CSMD1: variants seen among roughly 807,000 people sequenced by gnomAD.
CSMD1 encodes CUB and Sushi multiple domains 1, also known as CUB and sushi domain-containing protein 1.
In CSMD1, 213 loss-of-function variants were observed where a neutral mutation model predicts 417.5. The ratio of observed to expected loss-of-function variants is 0.51; its 90% CI spans 0.46 to 0.57. CSMD1 has a LOEUF of 0.57. Ranked by LOEUF, CSMD1 falls within the 20% of genes least tolerant of loss-of-function variation. The pLI is 0.00. For synonymous variants in CSMD1, 2,862 were observed against 1,736.8 expected (o/e 1.65, Z -16.11); for missense variants, 6,923 against 4,529.7 (o/e 1.53, Z -15.17).
chr8:4,759,021 G>A (rs1418270442), intron 1 of CSMD1, among the ~76,000 whole-genome samples: 1 of 152,178 alleles, frequency 6.6e-6, no homozygotes, highest in Non-Finnish European at 1.5e-5. Context: ...GGTTCCCCAG[G>A]AAACAGATGC....
intron 1 of CSMD1, among the ~76,000 whole-genome samples, chr8:4,754,715 G>T (rs1007088453): frequency 6.6e-6 from 1 of 152,034 alleles, no homozygotes; most frequent in African/African-American, 2.4e-5. Flanking sequence ...CAAGCATGGT[G>T]GTGGGCGCCT....
chr8:3,966,220 T>A (rs78258642), intron 5 of CSMD1, among the ~76,000 whole-genome samples: 2 of 152,140 alleles, frequency 1.3e-5, no homozygotes, highest in Non-Finnish European at 2.9e-5. Context: ...TGCCAGCTTA[T>A]TGGCTAAATG....
intron 1 of CSMD1, among the ~76,000 whole-genome samples, chr8:4,854,784 T>C (rs1445624486): frequency 1.3e-5 from 2 of 152,110 alleles, no homozygotes; most frequent in South Asian, 2.1e-4. Flanking sequence ...GTCTCGCTGA[T>C]TGCTAGCACA....
intron 6 of CSMD1, among the ~76,000 whole-genome samples, chr8:3,734,124 T>C (rs1217411222): frequency 6.6e-6 from 1 of 152,202 alleles, no homozygotes; most frequent in Non-Finnish European, 1.5e-5. Flanking sequence ...TAATACTTAA[T>C]AAAGATATTT....
At chr8:4,015,601 T>C (rs951845195) in intron 4 of CSMD1, among the ~76,000 whole-genome samples, 1 of 145,512 alleles carries the variant, frequency 6.9e-6, no homozygotes, top group Non-Finnish European at 1.5e-5. Context: ...GCCCAATGAC[T>C]ATCATTCAGT....
chr8:4,562,313 G>C (rs1306018675), intron 2 of CSMD1, among the ~76,000 whole-genome samples: 1 of 152,164 alleles, frequency 6.6e-6, no homozygotes, highest in Non-Finnish European at 1.5e-5. Context: ...ACTCAGCAAG[G>C]TCAGTGGGAG....
rs565132038 is a variant in CSMD1, at chr8:4,947,485, G to C, written c.85+46847C>G. On this transcript the variant is annotated intron_variant, in intron 1 of 69. Transcript: ENST00000635120. ...CATCTGTCCAGATCATCAACAATGA[G>C]AAAATGAGAACCATGTGGTAATAAC... Among the ~76,000 whole-genome samples, 51 of 152,180 alleles carry C rather than the reference G, an allele frequency of 3.4e-4. No homozygotes were observed. The South Asian group carries it at 7.7e-3, about 23-fold the overall frequency.
At chr8:4,368,035 A>T (rs1380360611) in intron 3 of CSMD1, among the ~76,000 whole-genome samples, 1 of 152,064 alleles carries the variant, frequency 6.6e-6, no homozygotes, top group African/African-American at 2.4e-5. Context: ...TCTGGCTAGA[A>T]CTTCCAGTAC....
At chr8:3,200,895 G>C (rs1051679359) in intron 32 of CSMD1, among the ~76,000 whole-genome samples, 2 of 152,184 alleles carry the variant, frequency 1.3e-5, no homozygotes, top group Non-Finnish European at 2.9e-5. Context: ...ATTAGTAAAT[G>C]TACCCAGTAC....
intron 5 of CSMD1, among the ~76,000 whole-genome samples, chr8:3,963,315 C>G (rs933140291): frequency 6.6e-6 from 1 of 152,118 alleles, no homozygotes; most frequent in Non-Finnish European, 1.5e-5. Flanking sequence ...ATGGCTCTCA[C>G]CCAGATAAGC....
At chr8:3,807,263 A>T (rs1800796003) in intron 5 of CSMD1, among the ~76,000 whole-genome samples, 1 of 152,196 alleles carries the variant, frequency 6.6e-6, no homozygotes, top group Non-Finnish European at 1.5e-5. Context: ...TTCTTTGATC[A>T]ACAGAAACTT....
chr8:3,924,133 C>T (rs1399955007), intron 5 of CSMD1, among the ~76,000 whole-genome samples: 1 of 152,154 alleles, frequency 6.6e-6, no homozygotes, highest in Non-Finnish European at 1.5e-5. Flanking sequence ...TGTATCTCTC[C>T]ATTTATGAAG....
At chr8:3,737,376 T>C (rs542299710) in intron 6 of CSMD1, among the ~76,000 whole-genome samples, 17 of 152,238 alleles carry the variant, frequency 1.1e-4, no homozygotes, top group South Asian at 2.1e-4. Context: ...ACATTCTTCA[T>C]TGTGCAATCT....
At chr8:2,963,162 G>A in intron 60 of CSMD1, 60 bp downstream of exon 60, 1 of 1,570,054 alleles carries the variant, frequency 6.4e-7, no homozygotes, top group Non-Finnish European at 8.7e-7. Context: ...GATGTGCCCT[G>A]GTTATCCGTC....
intron 5 of CSMD1, among the ~76,000 whole-genome samples, chr8:3,882,047 T>C (rs2129121607): frequency 6.6e-6 from 1 of 151,964 alleles, no homozygotes; most frequent in Admixed American, 6.5e-5. Context: ...GTATTAACAA[T>C]AAAAGAAAAA....
At chr8:3,550,361 C>A (rs1278267151) in intron 10 of CSMD1, among the ~76,000 whole-genome samples, 2 of 152,166 alleles carry the variant, frequency 1.3e-5, no homozygotes, top group Middle Eastern at 3.2e-3. Context: ...GGGCCTTGAC[C>A]CCGCCTGGAC....
intron 2 of CSMD1, among the ~76,000 whole-genome samples, chr8:4,636,736 C>T (rs1433053017): frequency 6.6e-6 from 1 of 152,146 alleles, no homozygotes; most frequent in Non-Finnish European, 1.5e-5. Flanking sequence ...AAAGTATGCA[C>T]AATTTGCCAC....
At chr8:4,091,844 A>C (rs541143691) in intron 3 of CSMD1, among the ~76,000 whole-genome samples, 1 of 152,332 alleles carries the variant, frequency 6.6e-6, no homozygotes, top group East Asian at 1.9e-4. Flanking sequence ...TTAGCAATGG[A>C]GAAACAACAG....
At chr8:4,942,588 G>C (rs1028768239) in intron 1 of CSMD1, among the ~76,000 whole-genome samples, 76 of 152,184 alleles carry the variant, frequency 5.0e-4, no homozygotes, top group African/African-American at 1.8e-3. Flanking sequence ...TCACTCTAAT[G>C]ACTAAGTCAT....
Sources: allele counts gnomAD v4.1 joint callset (sites outside exome capture counted in the v4.1 genomes callset), GRCh38; gene constraint gnomAD v4.1.1; transcripts MANE v1.5; gene names NCBI Gene and HGNC (gene_info 2026-07-23, HGNC 2026-07-21).